ABCG1: variants seen among roughly 807,000 people sequenced by gnomAD.
ABCG1 encodes ATP binding cassette subfamily G member 1, also known as ATP-binding cassette sub-family G member 1.
ABCG1 carries 29 observed loss-of-function variants against 69.2 expected under a neutral mutation model. The ratio of observed to expected loss-of-function variants is 0.42; its 90% CI spans 0.31 to 0.57. The LOEUF is 0.57. Ranked by LOEUF, ABCG1 falls within the 20% of genes least tolerant of loss-of-function variation. ABCG1 has a pLI of 0.15. For synonymous variants in ABCG1, 370 were observed against 374.8 expected (o/e 0.99, Z 0.15); for missense variants, 718 against 898.1 (o/e 0.80, Z 2.56).
intron 2 of ABCG1, among the ~76,000 whole-genome samples, chr21:42,265,093 T>C (rs988469419): frequency 3.9e-5 from 6 of 152,096 alleles, no homozygotes; most frequent in Non-Finnish European, 8.8e-5. Flanking sequence ...TCTTTCCGAG[T>C]GCACACAGGG....
intron 2 of ABCG1, among the ~76,000 whole-genome samples, chr21:42,252,054 C>T (rs1020219727): frequency 3.3e-5 from 5 of 152,194 alleles, no homozygotes; most frequent in South Asian, 2.1e-4. Context: ...GAAACGGAAC[C>T]GCTGATTCTG....
At chr21:42,203,795 G>T (rs1342727877) in intron 2 of ABCG1, among the ~76,000 whole-genome samples, 1 of 152,130 alleles carries the variant, frequency 6.6e-6, no homozygotes, top group Non-Finnish European at 1.5e-5. Flanking sequence ...AAATTTTGCT[G>T]GGATTTTAAT....
At position 42,264,212 on chromosome 21, in the gene ABCG1, G is replaced by A. The variant is rs1039274564; in HGVS notation, c.287-6858G>A. ...TTATCTCCTTATACTCATGATCACCGGAATTCGGGATGTCTGCACAGGCTG... is the reference window on the plus strand; with the variant it reads ...TTATCTCCTTATACTCATGATCACCAGAATTCGGGATGTCTGCACAGGCTG... On this transcript the variant is annotated intron_variant, in intron 2 of 14. Transcript: ENST00000398449. Among the ~76,000 whole-genome samples the A allele has an allele frequency of 5.3e-5, 8 of 152,166 alleles. No individual in the cohort carries two copies. In the South Asian group the frequency reaches 6.2e-4, roughly 12 times the overall value.
intron 2 of ABCG1, among the ~76,000 whole-genome samples, chr21:42,239,746 G>A (rs929507488): frequency 1.3e-5 from 2 of 152,242 alleles, no homozygotes; most frequent in African/African-American, 4.8e-5. Context: ...TGCTCCTAGA[G>A]CCAGCTTCCG....
At chr21:42,285,615 A>C (rs9653812) in intron 7 of ABCG1, among the ~76,000 whole-genome samples, 85,308 of 152,072 alleles carry the variant, frequency 0.56, 25,277 homozygotes, top group East Asian at 0.67. Context: ...TTTTCTGAGC[A>C]GGGGGTTAGC....
At chr21:42,252,373 G>A (rs143121675) in intron 2 of ABCG1, among the ~76,000 whole-genome samples, 78 of 152,220 alleles carry the variant, frequency 5.1e-4, no homozygotes, top group African/African-American at 1.8e-3. Context: ...TTAGAGCAGC[G>A]ATAATCGCTG....
chr21:42,201,768 G>T (rs760257975), intron 2 of ABCG1: 50 of 1,612,926 alleles, frequency 3.1e-5, no homozygotes, highest in Non-Finnish European at 4.1e-5. Context: ...CTAAAGCTCA[G>T]ATCCAGACTG....
chr21:42,291,800 G>C lies in ABCG1; in HGVS notation c.1653+144G>C, dbSNP rs895458996. On this transcript the variant is annotated intron_variant, in intron 13 of 14. Coordinates refer to ENST00000398449, the MANE Select transcript of ABCG1 (RefSeq NM_016818.3). The surrounding 1 kb of genome is among the most constrained non-coding windows in gnomAD (Gnocchi z 6.4). ...GGGGTCGTTCCCACGGGAAGGGCCCGCATTGTCGAGGGTCAGGATCAGCTG... is the reference window on the plus strand; with the variant it reads ...GGGGTCGTTCCCACGGGAAGGGCCCCCATTGTCGAGGGTCAGGATCAGCTG... 2.9e-6 allele frequency: 3 copies of C among 1,029,064 alleles called. No individual in the cohort carries two copies. Among genetic ancestry groups the C allele is most frequent in the African/African-American group, 3.2e-5 (2 of 61,724 alleles). The allele number at this position is 1,029,064 out of a possible 1,614,324, so 63.7% of individuals were successfully genotyped here. A position where few individuals can be genotyped will look rare whatever the true frequency, so the allele number is the denominator to read the frequency against.
At chr21:42,240,836 G>T (rs112766848) in intron 2 of ABCG1, among the ~76,000 whole-genome samples, 4 of 152,268 alleles carry the variant, frequency 2.6e-5, no homozygotes, top group Non-Finnish European at 5.9e-5. Context: ...TGCCAGCCAG[G>T]TCTCATGACC....
intron 2 of ABCG1, among the ~76,000 whole-genome samples, chr21:42,235,010 G>A (rs2067958262): frequency 6.6e-6 from 1 of 152,190 alleles, no homozygotes; most frequent in East Asian, 1.9e-4. Context: ...GCAGCCCCGA[G>A]CGGGGTCGCA....
At chr21:42,211,241 A>AG (rs1270196838), upstream of ABCG1, among the ~76,000 whole-genome samples, 1 of 152,142 alleles carries the variant, frequency 6.6e-6, no homozygotes, top group Non-Finnish European at 1.5e-5. Flanking sequence ...TACAGGTGTG[A>AG]GCCACTGCAC....
intron 2 of ABCG1, among the ~76,000 whole-genome samples, chr21:42,262,320 G>T (rs2068427778): frequency 6.6e-6 from 1 of 152,124 alleles, no homozygotes; most frequent in Non-Finnish European, 1.5e-5. Context: ...ATGTTTTGTG[G>T]AATGAAAAAT....
intron 5 of ABCG1, among the ~76,000 whole-genome samples, chr21:42,281,767 C>T (rs536927576): frequency 8.5e-5 from 13 of 152,198 alleles, no homozygotes; most frequent in Admixed American, 2.6e-4. Context: ...ACAGCCCCCA[C>T]GGACTCCATG....
intron 2 of ABCG1, among the ~76,000 whole-genome samples, chr21:42,208,161 T>G (rs2067558033): frequency 6.6e-6 from 1 of 152,192 alleles, no homozygotes; most frequent in Admixed American, 6.5e-5. Flanking sequence ...CTAAAAATTT[T>G]CTGTCCTCTA....
At chr21:42,279,438 C>T (rs1241000963) in intron 5 of ABCG1, among the ~76,000 whole-genome samples, 5 of 152,066 alleles carry the variant, frequency 3.3e-5, no homozygotes, top group Non-Finnish European at 5.9e-5. Context: ...GCTGAGCACA[C>T]GGGGGAGCCC....
intron 2 of ABCG1, among the ~76,000 whole-genome samples, chr21:42,240,071 C>A (rs867475975): frequency 6.6e-6 from 1 of 152,188 alleles, no homozygotes; most frequent in African/African-American, 2.4e-5. Flanking sequence ...CACTGGAGAA[C>A]GCTGTGTGTG....
intron 2 of ABCG1, chr21:42,206,837 T>C (rs1368217922): frequency 6.6e-6 from 1 of 152,072 alleles, no homozygotes; most frequent in Admixed American, 6.5e-5. Context: ...TCTTAGTTTT[T>C]CTTTATCTGA....
chr21:42,251,517 G>A (rs1279774686), intron 2 of ABCG1, among the ~76,000 whole-genome samples: 2 of 145,932 alleles, frequency 1.4e-5, no homozygotes, highest in South Asian at 2.3e-4. Context: ...AAACTGGCTC[G>A]ATGAGCGGGC....
At chr21:42,209,710 C>T (rs898970089) in intron 2 of ABCG1, among the ~76,000 whole-genome samples, 5 of 152,178 alleles carry the variant, frequency 3.3e-5, no homozygotes, top group East Asian at 1.9e-4. Context: ...TAGAGGATCC[C>T]GTAACAAAGA....
Sources: gnomAD v4.1 joint callset for allele counts (sites outside exome capture counted in the v4.1 genomes callset) on GRCh38, gnomAD v4.1.1 for gene constraint, Gnocchi (gnomAD v3.1) non-coding constraint, MANE v1.5 for transcripts, NCBI Gene and HGNC (gene_info 2026-07-23, HGNC 2026-07-21) for gene names.